Variants in ZNF43 observed in about 807,000 individuals in gnomAD.
The protein encoded by ZNF43 is zinc finger protein 43.
Under a neutral mutation model 68.4 loss-of-function variants are expected in ZNF43, and 44 were observed. The ratio of observed to expected loss-of-function variants is 0.64; its 90% CI spans 0.51 to 0.83. The LOEUF is 0.83. Among genes scored for constraint, ZNF43 ranks in the 40% least tolerant of loss-of-function variants. The pLI is 0.00. For synonymous variants in ZNF43, 308 were observed against 307.8 expected (o/e 1.00, Z -0.01); for missense variants, 896 against 933.2 (o/e 0.96, Z 0.52).
rs995944477 is a variant in ZNF43, at chr19:21,822,806, GA to G, written c.4-3586del. On this transcript the variant is annotated intron_variant, in intron 1 of 3. Coordinates refer to ENST00000354959, the MANE Select transcript of ZNF43 (RefSeq NM_003423.4). ...GGTGACAGAGCAAGACTCCGTCTCA[GA>G]AAAAAAAAAAATAAAGAATTGTGTT... Among the ~76,000 whole-genome samples, 119 of 143,510 alleles carry G rather than the reference GA, an allele frequency of 8.3e-4. 2 individuals carry two copies. In the South Asian group the frequency reaches 0.015, roughly 18 times the overall value. 94.1% of individuals were successfully genotyped at this position (143,510 alleles called of 152,430 possible).
rs538020491 is a variant in ZNF43, at chr19:21,843,752, G to A, written c.30+8153C>T. 1.2e-3 allele frequency among the ~76,000 whole-genome samples: 187 copies of A among 152,148 alleles called. 1 individual carries two copies. Among genetic ancestry groups the A allele is most frequent in the African/African-American group, 4.0e-3 (168 of 41,506 alleles). On this transcript the variant is annotated intron_variant, in intron 1 of 3. Coordinates refer to the ZNF43 transcript ENST00000357491. The stretch of plus-strand genomic sequence containing the variant: ...AGCCAAGATCATGCCATTGCACTCC[G>A]GCCTGGGCAACAAGAGCGAAACTCG...
In ZNF43 at chr19:21,808,719, T is replaced by C. The variant is rs749659953; in HGVS notation, c.1318A>G (p.Thr440Ala). The C allele has an allele frequency of 2.5e-6, 4 of 1,612,600 alleles. No individual in the cohort carries two copies. Among genetic ancestry groups the C allele is most frequent in the African/African-American group, 2.7e-5 (2 of 74,670 alleles). Residue 440 changes from threonine (T) to alanine (A), a missense_variant, in exon 4 of 4, where the codon ACC (threonine) becomes GCC (alanine). By Grantham distance (58) the Thr-to-Ala change is moderately conservative. Coordinates refer to ENST00000354959, the MANE Select transcript of ZNF43 (RefSeq NM_003423.4). ...TGAATTCTGTTATGTTTAGTAAGGG[T>C]TGAGGGCCAGTTAAAGGCTTTGCCA... ...ECGKAFNWPS[T>A]LTKHNRIHTG...
intron 1 of ZNF43, among the ~76,000 whole-genome samples, chr19:21,835,581 TCCTCA>T (rs1350864868): frequency 6.6e-6 from 1 of 151,766 alleles, no homozygotes; most frequent in Non-Finnish European, 1.5e-5. Flanking sequence ...GCTCTCGAAC[TCCTCA>T]CCTCGTCATC....
upstream of ZNF43, chr19:21,837,841 C>T (rs1967227537): frequency 6.6e-6 from 1 of 152,198 alleles, no homozygotes; most frequent in Non-Finnish European, 1.5e-5. Flanking sequence ...TGTATAAGAT[C>T]TTCCTTCCCT....
intron 1 of ZNF43, chr19:21,827,005 A>G (rs78773989): frequency 0.036 from 5,329 of 148,394 alleles, 173 homozygotes; most frequent in South Asian, 0.16. Flanking sequence ...CTGTATTGAG[A>G]AAAAAAAAAA....
At chr19:21,828,388 GCTAACACGGT>G (rs1294363552) in intron 1 of ZNF43, among the ~76,000 whole-genome samples, 1 of 151,930 alleles carries the variant, frequency 6.6e-6, no homozygotes, top group Non-Finnish European at 1.5e-5. Flanking sequence ...GACCATCCTG[GCTAACACGGT>G]GAAACCCCAT....
At chr19:21,817,045 A>T (rs2037562512) in intron 3 of ZNF43, among the ~76,000 whole-genome samples, 1 of 152,114 alleles carries the variant, frequency 6.6e-6, no homozygotes, top group South Asian at 2.1e-4. Flanking sequence ...GTCTGAGACC[A>T]ACCTGGCCAA....
rs1440336609 is a variant in ZNF43, at chr19:21,806,926, C to G, written c.*681G>C. 2.0e-5 allele frequency: 3 copies of G among 151,916 alleles called. No individual in the cohort carries two copies. Among genetic ancestry groups the G allele is most frequent in the South Asian group, 2.1e-4 (1 of 4,810 alleles). The allele number at this position is 151,916 out of a possible 1,614,324, so 9.4% of individuals were successfully genotyped here. ...TGCAAAAACATATTTTAGTATGAACCCTGTGGTGTTTTCTATGCTGTGGTT... is the reference window on the plus strand; with the variant it reads ...TGCAAAAACATATTTTAGTATGAACGCTGTGGTGTTTTCTATGCTGTGGTT... On this transcript the variant is annotated 3_prime_UTR_variant, in exon 4 of 4. Transcript: ENST00000354959.
intron 1 of ZNF43, among the ~76,000 whole-genome samples, chr19:21,832,655 A>G (rs2145323592): frequency 6.6e-6 from 1 of 152,340 alleles, no homozygotes; most frequent in South Asian, 2.1e-4. Context: ...TAACAAGGTC[A>G]GGAGTTCGAG....
At chr19:21,848,425 C>A (rs1422197439) in intron 1 of ZNF43, among the ~76,000 whole-genome samples, 1 of 152,074 alleles carries the variant, frequency 6.6e-6, no homozygotes, top group African/African-American at 2.4e-5. Flanking sequence ...GGATTACAGG[C>A]ATGAGCCACC....
At chr19:21,829,032 CAAAAAAAAA>C (rs551226809) in intron 1 of ZNF43, among the ~76,000 whole-genome samples, 743 of 38,778 alleles carry the variant, frequency 0.019, 6 homozygotes, top group African/African-American at 0.059. Flanking sequence ...GACTCTGTCT[CAAAAAAAAA>C]AAAAAAAAAA....
chr19:21,817,052 C>T (rs2037562958), intron 3 of ZNF43, among the ~76,000 whole-genome samples: 1 of 151,960 alleles, frequency 6.6e-6, no homozygotes, highest in Admixed American at 6.6e-5. Flanking sequence ...ACCAACCTGG[C>T]CAAACATGGC....
In ZNF43 at chr19:21,836,058, C is replaced by T. The variant is rs1395343258; in HGVS notation, c.-20G>A. On this transcript the variant is annotated 5_prime_UTR_variant, in exon 1 of 4. Transcript: ENST00000354959. ...CACCATTTCTAGGCTTCCGGGGGGT[C>T]CTGGCGTCTTAGCTGTGGATCCCCC... 6.2e-7 allele frequency: 1 copy of T among 1,613,846 alleles called. No individual in the cohort carries two copies. The highest frequency in any genetic ancestry group is 8.5e-7 in the Non-Finnish European group (1 of 1,179,860).
chr19:21,827,086 C>A (rs1489784732), intron 1 of ZNF43: 1 of 152,018 alleles, frequency 6.6e-6, no homozygotes, highest in Non-Finnish European at 1.5e-5. Context: ...AAAATACTCC[C>A]CTTAAACAAA....
chr19:21,834,214 G>A (rs146980824), intron 1 of ZNF43, among the ~76,000 whole-genome samples: 131 of 150,770 alleles, frequency 8.7e-4, no homozygotes, highest in African/African-American at 3.0e-3. Flanking sequence ...GGTAGGTGCC[G>A]GTAGTTCCAG....
rs1381111806 is a variant in ZNF43 at position 21,808,272 on chromosome 19, T to G, written c.1765A>C (p.Thr589Pro). 6.2e-7 allele frequency: 1 copy of G among 1,613,488 alleles called. No homozygotes were observed. Among genetic ancestry groups the G allele is most frequent in the Admixed American group, 1.7e-5 (1 of 59,984 alleles). ...SNLTTHKKIH[T>P]GEKFYKCEEC... ...TCACATTTGTAGAATTTCTCTCCAG[T>G]ATGAATTTTCTTATGTGTAGTAAGG... Residue 589 changes from threonine to proline, a missense_variant, in exon 4 of 4, where the codon ACT (threonine) becomes CCT (proline). Transcript: ENST00000354959.
intron 1 of ZNF43, among the ~76,000 whole-genome samples, chr19:21,834,774 A>C (rs1055734884): frequency 4.5e-5 from 6 of 133,528 alleles, no homozygotes; most frequent in Non-Finnish European, 9.5e-5. Context: ...GGAAAGATGG[A>C]AGGAAGGAAG....
chr19:21,830,315 C>CA (rs1383612141), intron 1 of ZNF43, among the ~76,000 whole-genome samples: 1 of 143,982 alleles, frequency 6.9e-6, no homozygotes, highest in Non-Finnish European at 1.5e-5. Context: ...AACAAACAAA[C>CA]AAAAAAAGAA....
At chr19:21,843,494 A>G (rs769280487) in intron 1 of ZNF43, among the ~76,000 whole-genome samples, 2 of 152,174 alleles carry the variant, frequency 1.3e-5, no homozygotes, top group Non-Finnish European at 2.9e-5. Context: ...GTCTCTTAGT[A>G]AAATCATAGC....
Sources: gnomAD v4.1 joint callset for allele counts (sites outside exome capture counted in the v4.1 genomes callset) on GRCh38, gnomAD v4.1.1 for gene constraint, MANE v1.5 for transcripts, NCBI Gene and HGNC (gene_info 2026-07-23, HGNC 2026-07-21) for gene names.